The following BMP5 variants were observed in gnomAD, a reference collection of about 807,000 sequenced individuals.
The protein encoded by BMP5 is bone morphogenetic protein 5.
A neutral mutation model predicts 46.6 loss-of-function variants in BMP5; 23 were observed. That is an observed-to-expected ratio of 0.49 (90% CI 0.35 to 0.70). The LOEUF (loss-of-function observed/expected upper bound fraction) is 0.70. Among genes scored for constraint, BMP5 ranks in the 30% least tolerant of loss-of-function variants. The pLI is 0.00. For missense variants in BMP5, 545 were observed against 565.6 expected, an observed-to-expected ratio of 0.96 and a Z score of 0.37; for synonymous variants, 204 against 191.9, an observed-to-expected ratio of 1.06 and a Z score of -0.52.
At chr6:55,848,644 G>A (rs191260970) in intron 1 of BMP5, among the ~76,000 whole-genome samples, 147 of 152,004 alleles carry the variant, frequency 9.7e-4, no homozygotes, top group African/African-American at 3.5e-3. Flanking sequence ...GTGGTCCGTG[G>A]ATGATCATAG....
intron 2 of BMP5, among the ~76,000 whole-genome samples, chr6:55,816,682 G>A (rs905159230): frequency 2.1e-4 from 32 of 152,124 alleles, no homozygotes; most frequent in African/African-American, 6.0e-4. Flanking sequence ...CAGTCAGTAC[G>A]TATTAAAGTG....
rs376820006 is a variant in BMP5 at position 55,794,274 on chromosome 6, C to T, written c.832+5G>A. 6.2e-7 allele frequency: 1 copy of T among 1,613,800 alleles called. No homozygotes were observed. Among genetic ancestry groups the T allele is most frequent in the Non-Finnish European group, 8.5e-7 (1 of 1,179,846 alleles). On this transcript the variant is annotated splice_donor_5th_base_variant and intron_variant, in intron 3 of 6. Coordinates refer to ENST00000370830, the MANE Select transcript of BMP5 (RefSeq NM_021073.4). The stretch of plus-strand genomic sequence containing the variant: ...ACAAAAAAATATATAAAATTCAGTG[C>T]TTACCATCCCCTGTTTCTGCACAGA...
At chr6:55,798,011 C>T (rs775707979) in intron 2 of BMP5, among the ~76,000 whole-genome samples, 5 of 152,148 alleles carry the variant, frequency 3.3e-5, no homozygotes, top group Non-Finnish European at 5.9e-5. Flanking sequence ...AAGGTGTCAG[C>T]AGGGTCGGTT....
chr6:55,782,545 A>G (rs1215434869), intron 3 of BMP5, among the ~76,000 whole-genome samples: 1 of 152,160 alleles, frequency 6.6e-6, no homozygotes, highest in Non-Finnish European at 1.5e-5. Context: ...GCTGGTTTCC[A>G]AGAGTGTTTT....
chr6:55,800,084 C>T (rs896018090), intron 2 of BMP5, among the ~76,000 whole-genome samples: 8 of 152,054 alleles, frequency 5.3e-5, no homozygotes, highest in African/African-American at 7.2e-5. Flanking sequence ...CCTGCACTTT[C>T]GATAGCATAG....
intron 1 of BMP5, among the ~76,000 whole-genome samples, chr6:55,873,675 CAT>C (rs1411471933): frequency 6.6e-6 from 1 of 151,730 alleles, no homozygotes; most frequent in East Asian, 1.9e-4. Context: ...TATTTTATCT[CAT>C]ATAGAAGGAA....
chr6:55,826,251 T>C (rs1181957146), intron 1 of BMP5, among the ~76,000 whole-genome samples: 2 of 151,806 alleles, frequency 1.3e-5, no homozygotes. Flanking sequence ...TCCCTGAATG[T>C]TTTGTTTCAA....
intron 6 of BMP5, 47 bp from the exon 7 acceptor site, chr6:55,755,729 T>C (rs1367675904): frequency 1.9e-6 from 3 of 1,551,064 alleles, no homozygotes; most frequent in Non-Finnish European, 2.7e-6. Flanking sequence ...AAAATATACA[T>C]TCTTTTGCAG....
Position 55,819,833 on chromosome 6 carries a change from C to T in BMP5, c.505G>A (p.Asp169Asn). The change falls in exon 2 of 7, where the codon GAT becomes AAT. Residue 169 changes from aspartate (D) to asparagine (N), a missense_variant. By Grantham distance (23) the Asp-to-Asn change is conservative. Transcript: ENST00000370830. ...TAATGCCTTCGCTGGTGAGAAAAAT[C>T]CTTGTCTCTTTCAACTGAAAAAATA... ...SFVNLVERDKDFSHQRRHYKE... is the reference protein window; with the variant it reads ...SFVNLVERDKNFSHQRRHYKE... The T allele has an allele frequency of 6.2e-7, 1 of 1,613,542 alleles. No individual in the cohort carries two copies. Among genetic ancestry groups the T allele is most frequent in the South Asian group, 1.1e-5 (1 of 91,050 alleles).
At chr6:55,825,928 A>C (rs1199280838) in intron 1 of BMP5, among the ~76,000 whole-genome samples, 1 of 151,848 alleles carries the variant, frequency 6.6e-6, no homozygotes, top group Non-Finnish European at 1.5e-5. Context: ...TTTGCTGCTG[A>C]GTGCAAAAAA....
chr6:55,854,729 A>C (rs16887299), intron 1 of BMP5, among the ~76,000 whole-genome samples: 3,205 of 152,214 alleles, frequency 0.021, 114 homozygotes, highest in African/African-American at 0.073. Flanking sequence ...AGATTCCCTA[A>C]AATTAAATCA....
chr6:55,796,714 T>A (rs577943318), intron 2 of BMP5, among the ~76,000 whole-genome samples: 1 of 144,840 alleles, frequency 6.9e-6, no homozygotes, highest in African/African-American at 2.5e-5. Flanking sequence ...TATGTTCTCA[T>A]TGTTCAATTC....
intron 1 of BMP5, among the ~76,000 whole-genome samples, chr6:55,830,175 T>C (rs936238528): frequency 1.3e-5 from 2 of 152,112 alleles, no homozygotes; most frequent in Non-Finnish European, 2.9e-5. Context: ...ATGTATTGTA[T>C]TTAAAGATGT....
At chr6:55,772,694 T>A in intron 4 of BMP5, 2 of 928,032 alleles carry the variant, frequency 2.2e-6, no homozygotes, top group Non-Finnish European at 2.6e-6. Context: ...ACTAGTGTCA[T>A]GCTTTACTAA....
At chr6:55,855,227 T>A (rs1377800298) in intron 1 of BMP5, among the ~76,000 whole-genome samples, 1 of 152,054 alleles carries the variant, frequency 6.6e-6, no homozygotes, top group African/African-American at 2.4e-5. Context: ...TTATTTGTTT[T>A]TATTTTTATT....
intron 3 of BMP5, among the ~76,000 whole-genome samples, chr6:55,775,175 T>A (rs1775146347): frequency 6.6e-6 from 1 of 151,882 alleles, no homozygotes; most frequent in South Asian, 2.1e-4. Context: ...CAAGGTGCCC[T>A]AGAGATAAAG....
intron 2 of BMP5, among the ~76,000 whole-genome samples, chr6:55,798,058 C>T (rs916605472): frequency 1.3e-5 from 2 of 152,156 alleles, no homozygotes; most frequent in Admixed American, 6.5e-5. Flanking sequence ...GTTCCAGGCT[C>T]TCTCCTTGGC....
At chr6:55,768,371 C>A (rs1030361835) in intron 4 of BMP5, among the ~76,000 whole-genome samples, 3 of 151,722 alleles carry the variant, frequency 2.0e-5, no homozygotes, top group African/African-American at 7.3e-5. Flanking sequence ...CTATGAGTAC[C>A]CACACAAGCA....
chr6:55,779,760 T>C (rs1775262548), intron 3 of BMP5, among the ~76,000 whole-genome samples: 1 of 152,032 alleles, frequency 6.6e-6, no homozygotes, highest in Non-Finnish European at 1.5e-5. Flanking sequence ...GTAGTTTTAT[T>C]GTAAAAGCGC....
Sources: allele counts gnomAD v4.1 joint callset (sites outside exome capture counted in the v4.1 genomes callset), GRCh38; gene constraint gnomAD v4.1.1; transcripts MANE v1.5; gene names NCBI Gene and HGNC (gene_info 2026-07-23, HGNC 2026-07-21).